The following BRD4 variants were observed in gnomAD, a reference collection of about 807,000 sequenced individuals.
The protein encoded by BRD4 is bromodomain containing 4, also known as bromodomain-containing protein 4.
Under a neutral mutation model 142.1 loss-of-function variants are expected in BRD4, and 16 were observed. That is an observed-to-expected ratio of 0.11 (90% confidence interval 0.08 to 0.17). The LOEUF is 0.17. Among genes scored for constraint, BRD4 ranks in the 10% least tolerant of loss-of-function variants. The pLI is 1.00. For missense variants in BRD4, 1,424 were observed against 1,810.9 expected (o/e 0.79, Z 3.88); for synonymous variants, 833 against 707.5 (o/e 1.18, Z -2.82).
At chr19:15,276,539 T>C (rs973202324) in intron 1 of BRD4, among the ~76,000 whole-genome samples, 1 of 152,060 alleles carries the variant, frequency 6.6e-6, no homozygotes, top group Admixed American at 6.6e-5. Context: ...ATCTGGTGCT[T>C]CCCTCATCTC....
intron 1 of BRD4, among the ~76,000 whole-genome samples, chr19:15,273,845 A>G (rs1452414770): frequency 6.7e-6 from 1 of 148,884 alleles, no homozygotes; most frequent in African/African-American, 2.5e-5. Flanking sequence ...CATCTCTAGT[A>G]ATAAACCTAA....
rs958055279 is a variant in BRD4, at chr19:15,312,214, G to A, written c.-35+20076C>T. ...TACTAATAAAAGCAAGCATCGGCCA[G>A]GCACAGTAGCTTGTAGCTCCCATTT... On this transcript the variant is annotated intron_variant, in intron 1 of 19. Transcript: ENST00000679869. Among the ~76,000 whole-genome samples, 3 of 152,198 alleles carry A rather than the reference G, an allele frequency of 2.0e-5. No individual in the cohort carries two copies. In the South Asian group the frequency reaches 6.2e-4, roughly 32 times the overall value.
Position 15,239,072 on chromosome 19 carries a change from G to T in BRD4, c.3769C>A (p.Gln1257Lys). The change falls in exon 18 of 20, where the codon CAG becomes AAG. Residue 1257 changes from glutamine to lysine, a missense_variant. Physicochemically the swap from Gln to Lys is moderately conservative, Grantham distance 53. Around this residue, in one of 16 missense-constraint regions of BRD4, gnomAD observed 109 missense variants for 117.9 expected, o/e 0.92. Coordinates refer to ENST00000679869, the MANE Select transcript of BRD4 (RefSeq NM_001379291.1). This position sits in a 1 kb window ranked among gnomAD's most constrained non-coding sequence, Gnocchi z 7.4. ...ACACCCGCCCACCTCATGCGCTCCT[G>T]CCGCAGCCGCTCCTTCTCCTTCTCA... ...HAEKEKERLR[Q>K]ERMRSREDED... is the part of the protein sequence containing the mutation. 1 of 1,595,940 alleles carries T rather than the reference G, an allele frequency of 6.3e-7. No homozygotes were observed.
intron 1 of BRD4, among the ~76,000 whole-genome samples, chr19:15,287,894 G>A (rs544113527): frequency 2.0e-5 from 3 of 151,492 alleles, no homozygotes; most frequent in South Asian, 2.1e-4. Flanking sequence ...TCAGCCTCCC[G>A]AGTAGCTGGG....
intron 1 of BRD4, among the ~76,000 whole-genome samples, chr19:15,282,177 T>C (rs2047709828): frequency 6.6e-6 from 1 of 152,166 alleles, no homozygotes; most frequent in Non-Finnish European, 1.5e-5. Flanking sequence ...GCCATCATCA[T>C]AAAATGAAAG....
intron 1 of BRD4, among the ~76,000 whole-genome samples, chr19:15,322,357 C>T (rs909754005): frequency 3.3e-5 from 5 of 151,910 alleles, no homozygotes; most frequent in South Asian, 2.1e-4. Flanking sequence ...CTGCAAGCTC[C>T]GCCTCCCGGG....
intron 1 of BRD4, among the ~76,000 whole-genome samples, chr19:15,311,593 C>T (rs1599517328): frequency 6.6e-6 from 1 of 151,586 alleles, no homozygotes; most frequent in African/African-American, 2.4e-5. Context: ...GAGTTCAAGA[C>T]CAACCTGGCC....
At chr19:15,327,591 G>A (rs911095163) in intron 1 of BRD4, among the ~76,000 whole-genome samples, 1 of 152,000 alleles carries the variant, frequency 6.6e-6, no homozygotes, top group African/African-American at 2.4e-5. Flanking sequence ...ATTTTTAACA[G>A]TACTATTCAC....
chr19:15,294,644 T>C (rs1285393744), intron 1 of BRD4, among the ~76,000 whole-genome samples: 1 of 152,182 alleles, frequency 6.6e-6, no homozygotes, highest in East Asian at 1.9e-4. Context: ...GTGCTCCAAA[T>C]GTTCATCGAG....
At chr19:15,269,840 A>T (rs747132959) in intron 2 of BRD4, among the ~76,000 whole-genome samples, 1 of 152,264 alleles carries the variant, frequency 6.6e-6, no homozygotes, top group East Asian at 1.9e-4. Flanking sequence ...AAACCACGTT[A>T]TTCTCACAAC....
intron 1 of BRD4, among the ~76,000 whole-genome samples, chr19:15,280,641 G>A (rs1461200192): frequency 6.6e-6 from 1 of 152,190 alleles, no homozygotes; most frequent in Admixed American, 6.5e-5. Flanking sequence ...AGATGCCTGA[G>A]GGGACATGGC....
chr19:15,240,154 A>G (rs1314316954), intron 14 of BRD4, 132 bp from the exon 15 acceptor site: 21 of 1,359,206 alleles, frequency 1.5e-5, no homozygotes, highest in Non-Finnish European at 2.1e-5. Flanking sequence ...ACAAGGGTCC[A>G]TTAGCCCAGC....
intron 7 of BRD4, chr19:15,257,409 T>C (rs1307001331): frequency 7.2e-6 from 4 of 552,970 alleles, no homozygotes; most frequent in Non-Finnish European, 6.4e-6. Flanking sequence ...GGTCCAGAGA[T>C]AGCGGGGCAC....
intron 1 of BRD4, among the ~76,000 whole-genome samples, chr19:15,325,540 T>C (rs1041445675): frequency 6.6e-6 from 1 of 152,218 alleles, no homozygotes; most frequent in Admixed American, 6.5e-5. Context: ...AGACACATTT[T>C]GTTTTCATAC....
Position 15,298,175 on chromosome 19 carries a change from A to T in BRD4, c.-34-25042T>A, listed in dbSNP as rs199500330. Among the ~76,000 whole-genome samples, 6 of 152,358 alleles carry T rather than the reference A, an allele frequency of 3.9e-5. No homozygotes were observed. The East Asian group carries it at 1.2e-3, about 29-fold the overall frequency. On this transcript the variant is annotated intron_variant, in intron 1 of 19. Transcript: ENST00000679869. ...CAGTTTATTAAGGTGGGCTCTGCAA[A>T]AGGCACAAACACGGGTGGAGGTCCA... is the stretch of plus-strand genomic sequence containing the variant.
At chr19:15,267,727 G>T (rs1324887578) in intron 3 of BRD4, among the ~76,000 whole-genome samples, 176 bp from the exon 4 acceptor site, 1 of 152,082 alleles carries the variant, frequency 6.6e-6, no homozygotes, top group Non-Finnish European at 1.5e-5. Flanking sequence ...TATCACAGAG[G>T]CTTGTGTTCC....
chr19:15,239,490 G>A lies in BRD4; in HGVS notation c.3478C>T (p.Pro1160Ser). Residue 1160 changes from proline to serine, a missense_variant, in exon 17 of 20, where the codon CCT becomes TCT. By Grantham distance (74) the Pro-to-Ser change is moderately conservative (BLOSUM62 -1). This residue lies in a region of BRD4 where 598 missense variants were observed against 647.8 expected (regional missense o/e 0.92). Coordinates refer to ENST00000679869, the MANE Select transcript of BRD4 (RefSeq NM_001379291.1). The surrounding 1 kb of genome is among the most constrained non-coding windows in gnomAD (Gnocchi z 7.4). ...TTCTGCTCTGGGGGCCGGATCACAG[G>A]CCTCCCGACATCCACAGGCTTCATT... Reference protein sequence around the residue: ...PEMKPVDVGRPVIRPPEQNAP... With the variant: ...PEMKPVDVGRSVIRPPEQNAP... 6.2e-7 allele frequency: 1 copy of A among 1,613,916 alleles called. No homozygotes were observed. The highest frequency in any genetic ancestry group is 8.5e-7 in the Non-Finnish European group (1 of 1,179,956).
At chr19:15,315,923 A>T (rs1434209410) in intron 1 of BRD4, among the ~76,000 whole-genome samples, 1 of 151,732 alleles carries the variant, frequency 6.6e-6, no homozygotes. Context: ...TGGGAGGCCG[A>T]GGCGGGCGGA....
chr19:15,288,450 C>A (rs995128163), intron 1 of BRD4, among the ~76,000 whole-genome samples: 9 of 152,128 alleles, frequency 5.9e-5, no homozygotes, highest in African/African-American at 2.2e-4. Flanking sequence ...ACACAGGATC[C>A]AGTTATAAAC....
Sources: gnomAD v4.1 joint callset for allele counts (sites outside exome capture counted in the v4.1 genomes callset) on GRCh38, gnomAD v4.1.1 for gene constraint, gnomAD v4.1.1 regional missense constraint, Gnocchi (gnomAD v3.1) non-coding constraint, MANE v1.5 for transcripts, NCBI Gene and HGNC (gene_info 2026-07-23, HGNC 2026-07-21) for gene names.